The following SRPK2 variants were observed in gnomAD, a reference collection of about 807,000 sequenced individuals.
SRPK2 encodes the protein SFRS protein kinase 2.
A neutral mutation model predicts 90.8 loss-of-function variants in SRPK2; 21 were observed. The ratio of observed to expected loss-of-function variants is 0.23; its 90% CI spans 0.16 to 0.33. The LOEUF (loss-of-function observed/expected upper bound fraction) is 0.33. Ranked by LOEUF, SRPK2 falls within the 10% of genes least tolerant of loss-of-function variation. SRPK2 has a pLI of 1.00. For missense variants in SRPK2, 620 were observed against 869.0 expected, an observed-to-expected ratio of 0.71 and a Z score of 3.60; for synonymous variants, 288 against 311.1, an observed-to-expected ratio of 0.93 and a Z score of 0.78.
At chr7:105,366,977 G>A (rs948466622) in intron 2 of SRPK2, among the ~76,000 whole-genome samples, 2 of 152,040 alleles carry the variant, frequency 1.3e-5, no homozygotes, top group Non-Finnish European at 2.9e-5. Flanking sequence ...GTGTCACTCC[G>A]TGAGTCCCAT....
chr7:105,238,335 C>T (rs1024242429), intron 2 of SRPK2, among the ~76,000 whole-genome samples: 4 of 152,202 alleles, frequency 2.6e-5, no homozygotes, highest in African/African-American at 9.7e-5. Context: ...CAGCATAAAG[C>T]ACTGCTTCCC....
chr7:105,291,833 A>G (rs1285195982), intron 2 of SRPK2, among the ~76,000 whole-genome samples: 1 of 152,206 alleles, frequency 6.6e-6, no homozygotes, highest in African/African-American at 2.4e-5. Flanking sequence ...TAAAGAAAAA[A>G]TATCTCTACT....
At position 105,167,989 on chromosome 7, in the gene SRPK2, A is replaced by AC. The variant is rs1433824298; in HGVS notation, c.426+18dup. The AC allele has an allele frequency of 1.7e-5, 27 of 1,555,852 alleles. No homozygotes were observed. The highest frequency in any genetic ancestry group is 2.3e-5 in the Non-Finnish European group (26 of 1,140,170). On this transcript the variant is annotated intron_variant, in intron 5 of 15. Transcript: ENST00000393651. The stretch of plus-strand genomic sequence containing the variant: ...GTCATTAAGTTTTCTTATATCATTC[A>AC]CATTTTTAAAGTACTTACACATTTG...
upstream of SRPK2, among the ~76,000 whole-genome samples, chr7:105,393,236 T>G (rs1822229085): frequency 6.7e-6 from 1 of 150,284 alleles, no homozygotes; most frequent in Non-Finnish European, 1.5e-5. Flanking sequence ...CCTCAAGTGA[T>G]CTGCCTGCCT....
chr7:105,380,972 A>AT (rs1491523763), intron 2 of SRPK2, among the ~76,000 whole-genome samples: 1 of 124,392 alleles, frequency 8.0e-6, no homozygotes. Flanking sequence ...AAAAAAAAAA[A>AT]GCTGGGCCAG....
At chr7:105,146,464 C>T (rs762681271) in intron 8 of SRPK2, 29 bp downstream of exon 8, 2 of 1,610,652 alleles carry the variant, frequency 1.2e-6, no homozygotes, top group Admixed American at 3.4e-5. Context: ...TGCCCCCACA[C>T]TGAAATGAAG....
At chr7:105,215,169 C>T (rs1797309182) in intron 2 of SRPK2, among the ~76,000 whole-genome samples, 1 of 152,166 alleles carries the variant, frequency 6.6e-6, no homozygotes, top group Non-Finnish European at 1.5e-5. Flanking sequence ...TTACCTCCCA[C>T]CATACACAGA....
intron 2 of SRPK2, among the ~76,000 whole-genome samples, chr7:105,307,118 C>T (rs763040040): frequency 3.1e-4 from 47 of 152,042 alleles, no homozygotes; most frequent in Admixed American, 2.0e-4. Context: ...TAATGAACTA[C>T]CTTGAAGGGA....
intron 2 of SRPK2, among the ~76,000 whole-genome samples, chr7:105,317,632 A>G (rs934469426): frequency 6.6e-6 from 1 of 152,248 alleles, no homozygotes. Context: ...TATTTCAACA[A>G]AAATAACATA....
intron 1 of SRPK2, among the ~76,000 whole-genome samples, chr7:105,396,366 G>A (rs1049513522): frequency 2.6e-5 from 4 of 151,726 alleles, no homozygotes; most frequent in Non-Finnish European, 5.9e-5. Flanking sequence ...GCCAGGCGTG[G>A]TGGCTTCATG....
intron 2 of SRPK2, among the ~76,000 whole-genome samples, chr7:105,240,637 T>C (rs1384329572): frequency 6.6e-6 from 1 of 152,112 alleles, no homozygotes; most frequent in Non-Finnish European, 1.5e-5. Flanking sequence ...TAACCATAGA[T>C]TGTAGTTTCA....
At chr7:105,251,902 A>C (rs73405897) in intron 2 of SRPK2, among the ~76,000 whole-genome samples, 1 of 152,202 alleles carries the variant, frequency 6.6e-6, no homozygotes, top group African/African-American at 2.4e-5. Context: ...GAGGGGGAAG[A>C]AGGAGCTGAC....
Position 105,188,506 on chromosome 7 carries a change from A to T in SRPK2, c.229+15122T>A, listed in dbSNP as rs185601632. On this transcript the variant is annotated intron_variant, in intron 3 of 15. Transcript: ENST00000393651. Reference sequence around the variant, plus strand: ...TTTGCAAATTATATCTCAATTTTTTAAAATGTATGAGGGAAAAAATAGCAT... The same window carrying T: ...TTTGCAAATTATATCTCAATTTTTTTAAATGTATGAGGGAAAAAATAGCAT... Among the ~76,000 whole-genome samples the T allele has an allele frequency of 5.3e-5, 8 of 152,356 alleles. No individual in the cohort carries two copies. The East Asian group carries it at 7.7e-4, about 15-fold the overall frequency.
chr7:105,290,873 C>A lies in SRPK2; in HGVS notation c.72-87088G>T, dbSNP rs534263237. Among the ~76,000 whole-genome samples the A allele has an allele frequency of 6.0e-4, 88 of 147,252 alleles. No homozygotes were observed. In the East Asian group the frequency reaches 0.017, roughly 29 times the overall value. ...CTAACAAGGTGAAACCCCGTCTCTA[C>A]TAAAAATACAAAAAATTGGCCGGGC... On this transcript the variant is annotated intron_variant, in intron 2 of 15. Transcript: ENST00000393651.
intron 2 of SRPK2, among the ~76,000 whole-genome samples, chr7:105,372,716 A>AT (rs1049279936): frequency 6.6e-6 from 1 of 152,090 alleles, no homozygotes; most frequent in Non-Finnish European, 1.5e-5. Context: ...CCAGGTAATG[A>AT]TTTTTTTTAA....
chr7:105,227,827 A>T (rs1011032146), intron 2 of SRPK2, among the ~76,000 whole-genome samples: 6 of 151,580 alleles, frequency 4.0e-5, no homozygotes, highest in African/African-American at 1.5e-4. Flanking sequence ...AAACAATCCA[A>T]ATGTTTATCA....
intron 2 of SRPK2, among the ~76,000 whole-genome samples, chr7:105,299,207 C>G (rs1234462587): frequency 1.3e-5 from 2 of 152,238 alleles, no homozygotes; most frequent in Admixed American, 6.5e-5. Context: ...CCATCCCAAT[C>G]TGAAGACTGG....
intron 2 of SRPK2, among the ~76,000 whole-genome samples, chr7:105,328,814 G>A (rs184565166): frequency 2.0e-5 from 3 of 149,456 alleles, no homozygotes; most frequent in South Asian, 2.1e-4. Flanking sequence ...GCAGTGAGCC[G>A]AGATTGTGCC....
Position 105,168,053 on chromosome 7 carries a change from C to G in SRPK2, c.381G>C (p.Gln127His). The G allele has an allele frequency of 6.2e-7, 1 of 1,612,948 alleles. No individual in the cohort carries two copies. The highest frequency in any genetic ancestry group is 8.5e-7 in the Non-Finnish European group (1 of 1,179,520). ...CATCCAAGGCTGTCTCCGTATAATG[C>G]TGGGCACTTTTTACAACTTTCATTG... Reference protein sequence around the residue: ...FVAMKVVKSAQHYTETALDEI... With the variant: ...FVAMKVVKSAHHYTETALDEI... The change falls in exon 5 of 16, where the codon CAG becomes CAC. Residue 127 changes from glutamine to histidine, a missense_variant. Transcript: ENST00000393651.
Sources: allele counts gnomAD v4.1 joint callset (sites outside exome capture counted in the v4.1 genomes callset), GRCh38; gene constraint gnomAD v4.1.1; transcripts MANE v1.5; gene names NCBI Gene and HGNC (gene_info 2026-07-23, HGNC 2026-07-21).